The following MYOM1 variants were observed in gnomAD, a reference collection of about 807,000 sequenced individuals.
MYOM1 encodes myomesin 1.
MYOM1 carries 164 observed loss-of-function variants against 205.3 expected under a neutral mutation model. That is an observed-to-expected ratio of 0.80 (90% CI 0.70 to 0.91). MYOM1 has a LOEUF of 0.91. Ranked by LOEUF, MYOM1 falls within the 40% of genes least tolerant of loss-of-function variation. MYOM1 has a pLI of 0.00. For missense variants in MYOM1, 2,011 were observed against 2,127.3 expected (o/e 0.95, Z 1.08); for synonymous variants, 772 against 789.4 (o/e 0.98, Z 0.37).
At chr18:3,132,672 C>T (rs531659542) in intron 16 of MYOM1, among the ~76,000 whole-genome samples, 2 of 151,976 alleles carry the variant, frequency 1.3e-5, no homozygotes, top group Non-Finnish European at 2.9e-5. Context: ...GTCACTGTCT[C>T]GCTGCATGCC....
At position 3,077,714 on chromosome 18, in the gene MYOM1, T is replaced by A. The variant is rs567875208; in HGVS notation, c.4648+1465A>T. On this transcript the variant is annotated intron_variant, in intron 34 of 37. Transcript: ENST00000356443. Reference sequence around the variant, plus strand: ...TGAACCAGAGAGTAAAAATAAAATTTAAAAAAATTAAACATTTTCCACCCA... The same window carrying A: ...TGAACCAGAGAGTAAAAATAAAATTAAAAAAAATTAAACATTTTCCACCCA... Among the ~76,000 whole-genome samples the A allele has an allele frequency of 3.9e-5, 6 of 152,280 alleles. No individual in the cohort carries two copies. The South Asian group carries it at 8.3e-4, about 21-fold the overall frequency.
chr18:3,231,847 C>CTT, the MYOM1 span, among the ~76,000 whole-genome samples: 7 of 123,800 alleles, frequency 5.7e-5, no homozygotes, highest in African/African-American at 9.4e-5. Context: ...CAGCCGCATC[C>CTT]TTTTTTTTTT....
chr18:3,090,561 T>A, intron 27 of MYOM1, 97 bp downstream of exon 27: 1 of 1,488,668 alleles, frequency 6.7e-7, no homozygotes, highest in Non-Finnish European at 9.1e-7. Context: ...TAAGAAAAAA[T>A]TCCTACTACC....
rs764603465 is a variant in MYOM1 at position 3,135,741 on chromosome 18, A to C, written c.2026-11T>G. ...TGTTCCTGCCTCACACTGCAGCAAGAACAGGGAAACCCATTGAAAGCACAG... is the reference window on the plus strand; with the variant it reads ...TGTTCCTGCCTCACACTGCAGCAAGCACAGGGAAACCCATTGAAAGCACAG... On this transcript the variant is annotated splice_polypyrimidine_tract_variant and intron_variant, in intron 14 of 37. Coordinates refer to ENST00000356443, the MANE Select transcript of MYOM1 (RefSeq NM_003803.4). This position sits in a 1 kb window ranked among gnomAD's most constrained non-coding sequence, Gnocchi z 4.1. 11 of 1,613,536 alleles carry C rather than the reference A, an allele frequency of 6.8e-6. No homozygotes were observed. The African/African-American group carries it at 1.5e-4, about 22-fold the overall frequency.
intron 15 of MYOM1, 27 bp from the exon 16 acceptor site, chr18:3,134,851 A>C (rs772364925): frequency 2.5e-6 from 4 of 1,612,976 alleles, no homozygotes; most frequent in Non-Finnish European, 3.4e-6. Context: ...TGGTGATCAA[A>C]CTCAAGTGGT....
chr18:3,139,352 G>A (rs569319234), intron 14 of MYOM1, among the ~76,000 whole-genome samples: 1 of 152,290 alleles, frequency 6.6e-6, no homozygotes, highest in East Asian at 1.9e-4. Flanking sequence ...AAGTTTGGGT[G>A]TAAAAAGAAC....
At chr18:3,112,963 A>C (rs1447609810) in intron 21 of MYOM1, among the ~76,000 whole-genome samples, 1 of 152,190 alleles carries the variant, frequency 6.6e-6, no homozygotes, top group African/African-American at 2.4e-5. Flanking sequence ...TAATATAGCT[A>C]TTTCTTACTA....
At chr18:3,070,517 C>T (rs532979434) in intron 37 of MYOM1, among the ~76,000 whole-genome samples, 2 of 152,232 alleles carry the variant, frequency 1.3e-5, no homozygotes, top group South Asian at 2.1e-4. Context: ...TATGTTGGTT[C>T]GCTCAGACTG....
Position 3,149,160 on chromosome 18 carries a change from C to A in MYOM1, c.1885G>T (p.Glu629Ter). 6.2e-7 allele frequency: 1 copy of A among 1,613,914 alleles called. No homozygotes were observed. The highest frequency in any genetic ancestry group is 2.2e-5 in the East Asian group (1 of 44,876). ...APWTGQIIVTEEEPSEGIVPG... is the reference protein window; with the variant it reads ...APWTGQIIVT Reference sequence around the variant, plus strand: ...GACTTCTTACCTGAAGGTTCCTCTTCAGTAACAATGATCTGTCCAGTCCAG... The same window carrying A: ...GACTTCTTACCTGAAGGTTCCTCTTAAGTAACAATGATCTGTCCAGTCCAG... The change falls in exon 13 of 38, where the codon GAA becomes TAA. Residue 629 changes from glutamate to a stop codon, truncating the protein, a stop_gained. Coordinates refer to ENST00000356443, the MANE Select transcript of MYOM1 (RefSeq NM_003803.4). LOFTEE classifies it high-confidence loss of function.
chr18:3,182,913 CTTTTTTTTT>C (rs549386891), intron 5 of MYOM1, among the ~76,000 whole-genome samples: 24 of 92,300 alleles, frequency 2.6e-4, no homozygotes, highest in African/African-American at 6.9e-4. Context: ...TTTCTTTCTT[CTTTTTTTTT>C]TTTTTTTTTT....
intron 5 of MYOM1, among the ~76,000 whole-genome samples, chr18:3,184,567 T>TTTTG (rs747168602): frequency 6.6e-6 from 1 of 152,218 alleles, no homozygotes; most frequent in South Asian, 2.1e-4. Flanking sequence ...CCAGTTCTTT[T>TTTTG]TTTGTTTGTT....
chr18:3,134,899 C>A (rs1164914751), intron 15 of MYOM1, 75 bp from the exon 16 acceptor site: 3 of 1,429,818 alleles, frequency 2.1e-6, no homozygotes, highest in Non-Finnish European at 2.9e-6. Flanking sequence ...CACAAACACA[C>A]ACCTAGGTAT....
At chr18:3,105,431 T>G (rs898277384) in intron 22 of MYOM1, among the ~76,000 whole-genome samples, 1 of 152,190 alleles carries the variant, frequency 6.6e-6, no homozygotes, top group South Asian at 2.1e-4. Flanking sequence ...AAGTCTTAAA[T>G]GAAATTTTAA....
chr18:3,212,527 T>C (rs533368863), intron 2 of MYOM1, among the ~76,000 whole-genome samples: 1 of 152,258 alleles, frequency 6.6e-6, no homozygotes, highest in South Asian at 2.1e-4. Context: ...TAATATAAAA[T>C]TTTGCAATAG....
At chr18:3,240,267 T>C in the MYOM1 span, among the ~76,000 whole-genome samples, 1 of 152,176 alleles carries the variant, frequency 6.6e-6, no homozygotes. Flanking sequence ...AAAACAGCAT[T>C]TCTCCAGTTA....
chr18:3,111,352 T>A (rs1432966268), intron 22 of MYOM1, among the ~76,000 whole-genome samples: 1 of 151,970 alleles, frequency 6.6e-6, no homozygotes, highest in African/African-American at 2.4e-5. Context: ...TGAAACTCGT[T>A]GGACAATGAA....
chr18:3,074,622 A>G (rs2143638526), intron 36 of MYOM1, among the ~76,000 whole-genome samples: 1 of 152,312 alleles, frequency 6.6e-6, no homozygotes. Flanking sequence ...TTCTGGGTAC[A>G]CATGCAGACT....
intron 3 of MYOM1, chr18:3,190,661 C>G (rs893703261): frequency 2.0e-5 from 3 of 152,164 alleles, no homozygotes; most frequent in Non-Finnish European, 4.4e-5. Flanking sequence ...ATAATGACCT[C>G]TCATTCTTTT....
intron 17 of MYOM1, among the ~76,000 whole-genome samples, chr18:3,130,114 C>T (rs2079854003): frequency 4.6e-5 from 7 of 151,650 alleles, no homozygotes; most frequent in Admixed American, 4.6e-4. Context: ...GCAATCTCGG[C>T]TCACTGCAAC....
Sources: gnomAD v4.1 joint callset for allele counts (sites outside exome capture counted in the v4.1 genomes callset) on GRCh38, gnomAD v4.1.1 for gene constraint, Gnocchi (gnomAD v3.1) non-coding constraint, MANE v1.5 for transcripts, NCBI Gene and HGNC (gene_info 2026-07-23, HGNC 2026-07-21) for gene names.